KIF26B: variants seen among roughly 807,000 people sequenced by gnomAD.
KIF26B encodes the protein kinesin-like protein KIF26B.
A neutral mutation model predicts 151.2 loss-of-function variants in KIF26B; 63 were observed. That is an observed-to-expected ratio of 0.42 (90% CI 0.34 to 0.51). The LOEUF (loss-of-function observed/expected upper bound fraction) is 0.51. KIF26B is among the 20% of genes least tolerant of loss of function. KIF26B has a pLI of 0.07. For missense variants in KIF26B, 2,813 were observed against 2,913.6 expected, an observed-to-expected ratio of 0.97 and a Z score of 0.79; for synonymous variants, 1,357 against 1,262.1, an observed-to-expected ratio of 1.08 and a Z score of -1.59.
intron 2 of KIF26B, among the ~76,000 whole-genome samples, chr1:245,268,074 G>A (rs968967777): frequency 6.6e-6 from 1 of 152,090 alleles, no homozygotes; most frequent in African/African-American, 2.4e-5. Flanking sequence ...CGGGACATGG[G>A]GGTGGAAGGA....
intron 3 of KIF26B, among the ~76,000 whole-genome samples, chr1:245,391,115 A>G (rs1300760947): frequency 6.6e-6 from 1 of 152,100 alleles, no homozygotes; most frequent in Non-Finnish European, 1.5e-5. Context: ...GAATGGGTCA[A>G]CGTCTGGAAG....
chr1:245,293,864 T>C (rs10737771), intron 2 of KIF26B, among the ~76,000 whole-genome samples: 99,612 of 152,126 alleles, frequency 0.65, 33,609 homozygotes, highest in African/African-American at 0.82. Context: ...AGGCGTGAGC[T>C]ACTGCACCCA....
intron 5 of KIF26B, among the ~76,000 whole-genome samples, chr1:245,544,131 C>G (rs1661686036): frequency 6.6e-6 from 1 of 152,174 alleles, no homozygotes; most frequent in Non-Finnish European, 1.5e-5. Context: ...CCACGGATAT[C>G]TCACCATCAT....
intron 2 of KIF26B, among the ~76,000 whole-genome samples, chr1:245,338,984 GT>G (rs200327162): frequency 1.4e-4 from 20 of 140,946 alleles, no homozygotes; most frequent in African/African-American, 3.1e-4. Flanking sequence ...TGCTTTTAGG[GT>G]TTTTTTTTTT....
Position 245,167,940 on chromosome 1 carries a change from C to G in KIF26B, c.465+11257C>G, listed in dbSNP as rs1243072334. The stretch of plus-strand genomic sequence containing the variant: ...GGGTGGTATACGCATCCAAGGTTGT[C>G]TACAATCCCAGATATTTAGGTGAAA... On this transcript the variant is annotated intron_variant, in intron 2 of 14. Transcript: ENST00000407071. The surrounding 1 kb of genome is among the most constrained non-coding windows in gnomAD (Gnocchi z 4.2). Among the ~76,000 whole-genome samples, 2 of 152,172 alleles carry G rather than the reference C, an allele frequency of 1.3e-5. No homozygotes were observed. Among genetic ancestry groups the G allele is most frequent in the African/African-American group, 4.8e-5 (2 of 41,422 alleles).
At position 245,687,313 on chromosome 1, in the gene KIF26B, C is replaced by A. The variant is rs753989123; in HGVS notation, c.4330C>A (p.Arg1444=). 12 of 1,603,566 alleles carry A rather than the reference C, an allele frequency of 7.5e-6. No individual in the cohort carries two copies. The Admixed American group carries it at 1.9e-4, about 25-fold the overall frequency. ...GAAATTTGAGGACCCGTGGCTGAAA[C>A]GAGAAGAGGAAGTGAAAAAAGAGAC... The part of the protein sequence containing the change: ...EMKFEDPWLK[R]EEEVKKETAH... The change falls in exon 12 of 15, where the codon CGA becomes AGA. Residue 1444 remains arginine, a synonymous_variant. Transcript: ENST00000407071. The surrounding 1 kb of genome is among the most constrained non-coding windows in gnomAD (Gnocchi z 4.9).
At chr1:245,483,864 G>A (rs187125372) in intron 4 of KIF26B, among the ~76,000 whole-genome samples, 1 of 151,830 alleles carries the variant, frequency 6.6e-6, no homozygotes, top group African/African-American at 2.4e-5. Context: ...TGTAGCGAAG[G>A]CTTCTCCTCG....
chr1:245,650,853 A>G (rs2044007005), intron 10 of KIF26B, among the ~76,000 whole-genome samples: 1 of 152,180 alleles, frequency 6.6e-6, no homozygotes, highest in Non-Finnish European at 1.5e-5. Flanking sequence ...AGTCATCTTG[A>G]AAAATGGTGC....
At chr1:245,253,773 T>C (rs1270499104) in intron 2 of KIF26B, among the ~76,000 whole-genome samples, 1 of 150,476 alleles carries the variant, frequency 6.6e-6, no homozygotes, top group Non-Finnish European at 1.5e-5. Flanking sequence ...GTTTTAAATT[T>C]TCCTGTCTAT....
intron 3 of KIF26B, among the ~76,000 whole-genome samples, chr1:245,405,965 C>T (rs1674126908): frequency 6.6e-6 from 1 of 152,066 alleles, no homozygotes; most frequent in Non-Finnish European, 1.5e-5. Context: ...GAATTTTTTC[C>T]CAGTTTGGTA....
intron 2 of KIF26B, among the ~76,000 whole-genome samples, chr1:245,172,810 AAAAAAC>A (rs987589213): frequency 4.3e-4 from 65 of 152,232 alleles, no homozygotes; most frequent in African/African-American, 1.3e-3. Context: ...ACTCCATCTC[AAAAAAC>A]AAAAACAAAA....
Position 245,602,586 on chromosome 1 carries a change from A to G in KIF26B, c.1360A>G (p.Met454Val), listed in dbSNP as rs1363146020. 6.2e-7 allele frequency: 1 copy of G among 1,610,424 alleles called. No individual in the cohort carries two copies. The highest frequency in any genetic ancestry group is 1.7e-5 in the Admixed American group (1 of 59,348). ...DTPGLGKVKVMLRICSTLARD... is the reference protein window; with the variant it reads ...DTPGLGKVKVVLRICSTLARD... ...CATCTTTTCTTAACAGGTGAAAGTC[A>G]TGCTTCGCATCTGTTCCACCTTGGC... Residue 454 changes from methionine to valine, a missense_variant, in exon 6 of 15, where the codon ATG (methionine) becomes GTG (valine). By Grantham distance (21) the Met-to-Val change is conservative. Coordinates refer to ENST00000407071, the MANE Select transcript of KIF26B (RefSeq NM_018012.4). The surrounding 1 kb of genome is among the most constrained non-coding windows in gnomAD (Gnocchi z 4.5).
intron 2 of KIF26B, among the ~76,000 whole-genome samples, chr1:245,270,010 A>C (rs769814720): frequency 6.6e-5 from 10 of 152,142 alleles, no homozygotes; most frequent in Non-Finnish European, 1.5e-4. Flanking sequence ...TAATTTTCTG[A>C]GGAAACTCCA....
intron 4 of KIF26B, among the ~76,000 whole-genome samples, chr1:245,533,408 A>G (rs1307747847): frequency 1.3e-5 from 2 of 152,162 alleles, no homozygotes; most frequent in African/African-American, 2.4e-5. Context: ...TAGAGCTCGA[A>G]TGACCTCTTA....
intron 4 of KIF26B, among the ~76,000 whole-genome samples, chr1:245,431,555 A>C (rs1347170523): frequency 6.6e-6 from 1 of 152,158 alleles, no homozygotes; most frequent in Admixed American, 6.5e-5. Flanking sequence ...TATGTTGGCC[A>C]GGCTGGTCTC....
chr1:245,579,658 AAAACAAACAAACAAACAAAC>A (rs60952626), intron 5 of KIF26B, among the ~76,000 whole-genome samples: 2 of 148,510 alleles, frequency 1.3e-5, no homozygotes, highest in African/African-American at 2.5e-5. Flanking sequence ...AAAAATACAA[AAAACAAACAAACAAACAAAC>A]AAACAAACAA....
At chr1:245,586,521 T>C (rs1489290332) in intron 5 of KIF26B, among the ~76,000 whole-genome samples, 1 of 152,128 alleles carries the variant, frequency 6.6e-6, no homozygotes, top group Non-Finnish European at 1.5e-5. Flanking sequence ...AAGGAGTCCC[T>C]CCACAATTTG....
chr1:245,237,127 C>T (rs1478813137), intron 2 of KIF26B, among the ~76,000 whole-genome samples: 1 of 152,194 alleles, frequency 6.6e-6, no homozygotes, highest in African/African-American at 2.4e-5. Flanking sequence ...CTGTCCTCTG[C>T]TCCCTCTTTC....
chr1:245,456,474 A>G (rs1324397625), intron 4 of KIF26B, among the ~76,000 whole-genome samples: 2 of 152,256 alleles, frequency 1.3e-5, no homozygotes, highest in Admixed American at 1.3e-4. Flanking sequence ...AACCCACTCC[A>G]ATACTGAATG....
Sources: allele counts gnomAD v4.1 joint callset (sites outside exome capture counted in the v4.1 genomes callset), GRCh38; gene constraint gnomAD v4.1.1; non-coding constraint Gnocchi (gnomAD v3.1); transcripts MANE v1.5; gene names NCBI Gene and HGNC (gene_info 2026-07-23, HGNC 2026-07-21).